RDX: variants seen among roughly 807,000 people sequenced by gnomAD.
RDX encodes the protein radixin, also known as deafness, autosomal recessive 24.
In RDX, 32 loss-of-function variants were observed where a neutral mutation model predicts 83.7. The observed-to-expected ratio is 0.38, with a 90% confidence interval of 0.29 to 0.51. RDX has a LOEUF of 0.51. Among genes scored for constraint, RDX ranks in the 20% least tolerant of loss-of-function variants. The probability of loss-of-function intolerance (pLI) is 0.87; values close to 1 mark genes in which losing one functional copy is unlikely to be tolerated. For synonymous variants in RDX, 229 were observed against 222.7 expected (o/e 1.03, Z -0.25); for missense variants, 600 against 689.9 (o/e 0.87, Z 1.46).
intron 1 of RDX, among the ~76,000 whole-genome samples, chr11:110,289,007 G>A (rs1056355340): frequency 6.6e-6 from 1 of 152,122 alleles, no homozygotes; most frequent in Non-Finnish European, 1.5e-5. Flanking sequence ...GGAGGCCCAG[G>A]TGAGCGGATC....
intron 1 of RDX, among the ~76,000 whole-genome samples, chr11:110,289,191 T>C (rs1861112517): frequency 7.3e-6 from 1 of 136,912 alleles, no homozygotes; most frequent in Non-Finnish European, 1.5e-5. Flanking sequence ...TGAGCCAAGA[T>C]CGCGCCATTG....
At chr11:110,281,455 T>G (rs372259451) in intron 1 of RDX, among the ~76,000 whole-genome samples, 1 of 151,994 alleles carries the variant, frequency 6.6e-6, no homozygotes, top group African/African-American at 2.4e-5. Context: ...TCAGCCTCCA[T>G]AGCTGGAATT....
chr11:110,214,991 TA>T lies in RDX; in HGVS notation c.1749-15314del, dbSNP rs566598541. On this transcript the variant is annotated intron_variant, in intron 14 of 15. Transcript: ENST00000528498. ...TTGTACCCTAAAACTTAAAGTATAA[TA>T]AAAAAAAAATGAAAAAAATAAAAAA... Among the ~76,000 whole-genome samples the T allele has an allele frequency of 4.3e-3, 273 of 63,182 alleles. 1 individual carries two copies. The highest frequency in any genetic ancestry group is 0.017 in the South Asian group (40 of 2,402). 41.4% of individuals were successfully genotyped at this position (63,182 alleles called of 152,430 possible). A position where few individuals can be genotyped will look rare whatever the true frequency, so the allele number is the denominator to read the frequency against.
chr11:110,267,056 C>T (rs554251466), intron 3 of RDX, among the ~76,000 whole-genome samples: 1 of 152,098 alleles, frequency 6.6e-6, no homozygotes, highest in South Asian at 2.1e-4. Flanking sequence ...GCATGCACCA[C>T]CAAACCTAGC....
intron 5 of RDX, chr11:110,263,374 G>C (rs564081667): frequency 9.9e-5 from 15 of 152,226 alleles, no homozygotes; most frequent in African/African-American, 2.6e-4. Flanking sequence ...TTTGTACCAA[G>C]CAGCAACAGT....
At chr11:110,286,003 A>G (rs1860966372) in intron 1 of RDX, among the ~76,000 whole-genome samples, 1 of 152,090 alleles carries the variant, frequency 6.6e-6, no homozygotes, top group South Asian at 2.1e-4. Flanking sequence ...AAATATTTGT[A>G]TATTTCCACT....
chr11:110,244,894 G>A (rs549070627), intron 10 of RDX, among the ~76,000 whole-genome samples: 2 of 151,676 alleles, frequency 1.3e-5, no homozygotes, highest in Admixed American at 1.3e-4. Flanking sequence ...ACTTATGGGA[G>A]TAAATTCACT....
intron 2 of RDX, chr11:110,272,837 A>G: frequency 1.8e-6 from 1 of 557,692 alleles, no homozygotes; most frequent in Non-Finnish European, 3.3e-6. Context: ...CCATACTCTC[A>G]TTTAGCCCTT....
At chr11:110,189,036 C>T (rs745552859) in intron 15 of RDX, among the ~76,000 whole-genome samples, 3 of 151,594 alleles carry the variant, frequency 2.0e-5, no homozygotes, top group Admixed American at 6.6e-5. Context: ...GAATGCCCCA[C>T]GTAAAAAGCA....
intron 1 of RDX, among the ~76,000 whole-genome samples, chr11:110,281,967 AC>A (rs1361547295): frequency 2.7e-5 from 4 of 150,712 alleles, no homozygotes; most frequent in Non-Finnish European, 5.9e-5. Flanking sequence ...AACCAAACAA[AC>A]AAAAAAAAAA....
chr11:110,261,360 C>T (rs1437535699), intron 5 of RDX, among the ~76,000 whole-genome samples: 2 of 152,180 alleles, frequency 1.3e-5, no homozygotes, highest in Non-Finnish European at 2.9e-5. Context: ...GGAAGCAATA[C>T]TATCTGGTGG....
rs1859493337 is a variant in RDX, at chr11:110,255,270, T to C, written c.795+19A>G. 2 of 1,278,274 alleles carry C rather than the reference T, an allele frequency of 1.6e-6. No homozygotes were observed. The highest frequency in any genetic ancestry group is 2.4e-5 in the South Asian group (2 of 83,390). 79.2% of individuals were successfully genotyped at this position (1,278,274 alleles called of 1,614,324 possible). ...GATATTAAACAGTTAATACACAAAATATTAAAGAAATTACTTACAGGTGCC... is the reference window on the plus strand; with the variant it reads ...GATATTAAACAGTTAATACACAAAACATTAAAGAAATTACTTACAGGTGCC... On this transcript the variant is annotated intron_variant, in intron 8 of 13. Transcript: ENST00000645495.
At chr11:110,269,731 G>A (rs189579721) in intron 3 of RDX, among the ~76,000 whole-genome samples, 2 of 152,284 alleles carry the variant, frequency 1.3e-5, no homozygotes, top group East Asian at 3.9e-4. Context: ...GTCCATAACA[G>A]ATAACAATAC....
intron 2 of RDX, among the ~76,000 whole-genome samples, chr11:110,277,050 G>T (rs1362390843): frequency 6.6e-6 from 1 of 152,118 alleles, no homozygotes; most frequent in African/African-American, 2.4e-5. Context: ...TCCACATTCT[G>T]AAACTTATCT....
chr11:110,244,856 A>G (rs1229043080), intron 10 of RDX, among the ~76,000 whole-genome samples: 8 of 152,202 alleles, frequency 5.3e-5, no homozygotes, highest in Non-Finnish European at 2.9e-5. Flanking sequence ...GTGTGAGGGC[A>G]GATAATTTTG....
intron 15 of RDX, among the ~76,000 whole-genome samples, chr11:110,184,267 T>C (rs1036481344): frequency 6.6e-6 from 1 of 152,214 alleles, no homozygotes; most frequent in South Asian, 2.1e-4. Context: ...GAACTCGCTA[T>C]ATGACTAGCT....
chr11:110,232,392 G>GT (rs1251329678), intron 13 of RDX, among the ~76,000 whole-genome samples: 1 of 152,042 alleles, frequency 6.6e-6, no homozygotes, highest in Non-Finnish European at 1.5e-5. Context: ...TACATTTATT[G>GT]TAACTATCAC....
At chr11:110,280,023 G>T (rs936767825) in intron 1 of RDX, among the ~76,000 whole-genome samples, 7 of 152,036 alleles carry the variant, frequency 4.6e-5, no homozygotes, top group Non-Finnish European at 4.4e-5. Flanking sequence ...AGACAACAAA[G>T]AACAAGGAAA....
In RDX at chr11:110,274,584, C is replaced by T. The variant is rs571830754; in HGVS notation, c.13-1965G>A. On this transcript the variant is annotated intron_variant, in intron 2 of 13. Coordinates refer to ENST00000645495, the MANE Select transcript of RDX (RefSeq NM_002906.4). ...CCAGCTCACCGCAGCCTCAACCTCC[C>T]GGGCTCAAGCGATCCTACCGCCTCA... 1.8e-4 allele frequency among the ~76,000 whole-genome samples: 28 copies of T among 152,250 alleles called. No individual in the cohort carries two copies. The East Asian group carries it at 5.4e-3, about 29-fold the overall frequency.
Sources: allele counts gnomAD v4.1 joint callset (sites outside exome capture counted in the v4.1 genomes callset), GRCh38; gene constraint gnomAD v4.1.1; transcripts MANE v1.5; gene names NCBI Gene and HGNC (gene_info 2026-07-23, HGNC 2026-07-21).